GNL2: variants seen among roughly 807,000 people sequenced by gnomAD.
GNL2 encodes the protein G protein nucleolar 2, also known as nucleolar GTP-binding protein 2.
Under a neutral mutation model 92.3 loss-of-function variants are expected in GNL2, and 51 were observed. That is an observed-to-expected ratio of 0.55 (90% CI 0.44 to 0.70). The LOEUF (loss-of-function observed/expected upper bound fraction) is 0.70. Among genes scored for constraint, GNL2 ranks in the 30% least tolerant of loss-of-function variants. GNL2 has a pLI of 0.00. For missense variants in GNL2, 844 were observed against 895.6 expected (o/e 0.94, Z 0.74); for synonymous variants, 283 against 300.6 (o/e 0.94, Z 0.61).
At chr1:37,585,796 G>A (rs556081600) in intron 5 of GNL2, among the ~76,000 whole-genome samples, 2 of 152,238 alleles carry the variant, frequency 1.3e-5, no homozygotes, top group East Asian at 3.9e-4. Context: ...TAACACTGAT[G>A]CAGTCAAAGG....
At chr1:37,570,985 G>A (rs1040250199) in intron 12 of GNL2, 1 of 152,040 alleles carries the variant, frequency 6.6e-6, no homozygotes, top group Admixed American at 6.6e-5. Flanking sequence ...AGAGTGGCCG[G>A]GCAAATCACT....
intron 8 of GNL2, among the ~76,000 whole-genome samples, chr1:37,579,528 C>A: frequency 7.1e-6 from 1 of 141,620 alleles, no homozygotes; most frequent in African/African-American, 2.6e-5. Flanking sequence ...GCCTGGGCAA[C>A]AAGAGCAAAA....
chr1:37,577,934 T>C (rs1643704326), intron 8 of GNL2, among the ~76,000 whole-genome samples: 1 of 152,142 alleles, frequency 6.6e-6, no homozygotes, highest in Non-Finnish European at 1.5e-5. Flanking sequence ...TTAGAGATAA[T>C]AACAGTATTC....
chr1:37,584,461 T>A (rs1183048241), intron 5 of GNL2, among the ~76,000 whole-genome samples: 38 of 115,224 alleles, frequency 3.3e-4, no homozygotes, highest in African/African-American at 4.8e-4. Context: ...AATAATTAAT[T>A]AAAAAAAAAA....
At chr1:37,592,596 A>G (rs533162584) in intron 3 of GNL2, 116 bp downstream of exon 3, 4 of 653,324 alleles carry the variant, frequency 6.1e-6, no homozygotes, top group Admixed American at 5.2e-5. Flanking sequence ...CCTTTCTCAG[A>G]TAATCCTTGC....
At chr1:37,583,054 C>T in intron 6 of GNL2, 118 bp from the exon 7 acceptor site, 1 of 639,228 alleles carries the variant, frequency 1.6e-6, no homozygotes, top group Middle Eastern at 4.3e-4. Context: ...AAAACAGTCT[C>T]TGGGCAGAGT....
chr1:37,578,809 C>T (rs528790869), intron 8 of GNL2, among the ~76,000 whole-genome samples: 261 of 152,266 alleles, frequency 1.7e-3, no homozygotes, highest in Non-Finnish European at 2.7e-3. Flanking sequence ...ATCTGCCTGC[C>T]TCATCCTCCC....
intron 5 of GNL2, among the ~76,000 whole-genome samples, 183 bp downstream of exon 5, chr1:37,587,128 A>G (rs542495091): frequency 6.6e-6 from 1 of 152,244 alleles, no homozygotes; most frequent in Admixed American, 6.5e-5. Flanking sequence ...TTAGCCAGGC[A>G]TGGAGGCATC....
At chr1:37,590,645 A>G in intron 4 of GNL2, 61 bp downstream of exon 4, 2 of 1,328,258 alleles carry the variant, frequency 1.5e-6, no homozygotes, top group Non-Finnish European at 2.2e-6. Context: ...AATATGTTAG[A>G]GAGGGATCTG....
intron 12 of GNL2, among the ~76,000 whole-genome samples, chr1:37,571,135 T>C (rs1643587721): frequency 6.6e-6 from 1 of 152,134 alleles, no homozygotes; most frequent in Non-Finnish European, 1.5e-5. Flanking sequence ...AATCACAGAG[T>C]AAGGCATATG....
intron 2 of GNL2, 26 bp from the exon 3 acceptor site, chr1:37,592,832 G>T: frequency 1.5e-6 from 2 of 1,291,646 alleles, no homozygotes; most frequent in Non-Finnish European, 2.2e-6. Context: ...AACAGATATT[G>T]GTTGACAACA....
At chr1:37,573,130 AC>A (rs1320886506) in intron 12 of GNL2, among the ~76,000 whole-genome samples, 33 of 152,208 alleles carry the variant, frequency 2.2e-4, no homozygotes, top group African/African-American at 7.2e-4. Context: ...AAGATGCAAT[AC>A]ACATGAAGAG....
At chr1:37,572,961 G>A (rs943695960) in intron 12 of GNL2, among the ~76,000 whole-genome samples, 3 of 152,194 alleles carry the variant, frequency 2.0e-5, no homozygotes, top group African/African-American at 7.2e-5. Context: ...TTTGGTGTCA[G>A]AAGAAACCAC....
Position 37,568,347 on chromosome 1 carries a change from C to T in GNL2, c.1879G>A (p.Gly627Arg). Residue 627 changes from glycine (G) to arginine (R), a missense_variant, in exon 14 of 16, where the codon GGA becomes AGA. Coordinates refer to ENST00000373062, the MANE Select transcript of GNL2 (RefSeq NM_013285.3). ...TTTGCAAATATCTTTTCACTCAGTCCCTTGGATATTCTGAAACAGAAAAGC... is the reference window on the plus strand; with the variant it reads ...TTTGCAAATATCTTTTCACTCAGTCTCTTGGATATTCTGAAACAGAAAAGC... ...KKFSAVRISK[G>R]LSEKIFAKPE... 4 of 1,605,272 alleles carry T rather than the reference C, an allele frequency of 2.5e-6. No individual in the cohort carries two copies. The highest frequency in any genetic ancestry group is 3.4e-6 in the Non-Finnish European group (4 of 1,172,094).
chr1:37,574,301 C>G, intron 12 of GNL2, 42 bp downstream of exon 12: 5 of 1,250,224 alleles, frequency 4.0e-6, no homozygotes, highest in Non-Finnish European at 4.7e-6. Context: ...AAATCTAGGT[C>G]AGGACCCATG....
At position 37,590,709 on chromosome 1, in the gene GNL2, A is replaced by C. The variant is rs1295034369; in HGVS notation, c.381T>G (p.Pro127=). 1.2e-6 allele frequency: 2 copies of C among 1,613,196 alleles called. No individual in the cohort carries two copies. The highest frequency in any genetic ancestry group is 2.2e-5 in the South Asian group (2 of 91,062). ...PMSLLHDRIR[P]HNLKVHILDT... ...CCAGGGATATCCTACATCTTACATG[A>C]GGCCGGATTCGATCATGGAGAAGAG... The change falls in exon 4 of 16, where the codon CCT becomes CCG. Residue 127 remains proline, a synonymous_variant. Transcript: ENST00000373062.
At chr1:37,578,814 C>T (rs910066269) in intron 8 of GNL2, among the ~76,000 whole-genome samples, 10 of 152,172 alleles carry the variant, frequency 6.6e-5, no homozygotes, top group Non-Finnish European at 1.2e-4. Flanking sequence ...CCTGCCTCAT[C>T]CTCCCAAAGT....
In GNL2 at chr1:37,566,956, A is replaced by G; in HGVS notation, c.2095T>C (p.Tyr699His). The G allele has an allele frequency of 6.2e-7, 1 of 1,613,858 alleles. No homozygotes were observed. The highest frequency in any genetic ancestry group is 1.1e-5 in the South Asian group (1 of 91,068). Residue 699 changes from tyrosine (Y) to histidine (H), a missense_variant, in exon 16 of 16, where the codon TAT (tyrosine) becomes CAT (histidine). Coordinates refer to ENST00000373062, the MANE Select transcript of GNL2 (RefSeq NM_013285.3). ...CTATTTTTCACGTTGTGTGTTTCAT[A>G]GTAGCGCACACCAACTTTTTTCGGC... ...QRPKKVGVRY[Y>H]ETHNVKNRNR...
intron 12 of GNL2, 30 bp from the exon 13 acceptor site, chr1:37,569,332 A>G (rs1291400517): frequency 3.5e-6 from 5 of 1,420,434 alleles, no homozygotes; most frequent in Non-Finnish European, 4.9e-6. Context: ...GGGGAAATAA[A>G]TAGAATCAGA....
Sources: allele counts gnomAD v4.1 joint callset (sites outside exome capture counted in the v4.1 genomes callset), GRCh38; gene constraint gnomAD v4.1.1; transcripts MANE v1.5; gene names NCBI Gene and HGNC (gene_info 2026-07-23, HGNC 2026-07-21).